The following FBXL13 variants were observed in gnomAD, a reference collection of about 807,000 sequenced individuals.
FBXL13 encodes F-box and leucine rich repeat protein 13, also known as F-box and leucine-rich repeat protein 13.
FBXL13 carries 67 observed loss-of-function variants against 83.6 expected under a neutral mutation model. That is an observed-to-expected ratio of 0.80 (90% confidence interval 0.66 to 0.98). The LOEUF is 0.98. FBXL13 is among the 50% of genes least tolerant of loss of function. The pLI, the probability that FBXL13 is intolerant of heterozygous loss-of-function variation, is 0.00. For synonymous variants in FBXL13, 272 were observed against 299.5 expected (o/e 0.91, Z 0.95); for missense variants, 822 against 866.5 (o/e 0.95, Z 0.64).
At chr7:103,015,841 A>C (rs556596352) in intron 6 of FBXL13, among the ~76,000 whole-genome samples, 15 of 151,020 alleles carry the variant, frequency 9.9e-5, no homozygotes, top group Non-Finnish European at 2.1e-4. Flanking sequence ...TAGTATTCCT[A>C]TACACCAACA....
At chr7:103,009,401 A>G (rs539838158) in intron 6 of FBXL13, among the ~76,000 whole-genome samples, 2 of 152,368 alleles carry the variant, frequency 1.3e-5, no homozygotes, top group East Asian at 1.9e-4. Flanking sequence ...TGGGCTCAGC[A>G]TGGAGCCAGG....
chr7:102,968,745 TA>T (rs1826262863), intron 6 of FBXL13, among the ~76,000 whole-genome samples: 4 of 152,200 alleles, frequency 2.6e-5, no homozygotes, highest in Non-Finnish European at 5.9e-5. Context: ...CCCAGACTGA[TA>T]ATAAGGTGCT....
intron 11 of FBXL13, 41 bp from the exon 13 acceptor site, chr7:102,884,353 G>T: frequency 6.9e-7 from 1 of 1,453,208 alleles, no homozygotes; most frequent in Non-Finnish European, 9.6e-7. Context: ...GAATGCATTA[G>T]CATGATAAAA....
intron 6 of FBXL13, among the ~76,000 whole-genome samples, chr7:103,003,289 T>TTG (rs1790614391): frequency 3.2e-5 from 4 of 126,000 alleles, no homozygotes; most frequent in African/African-American, 1.2e-4. Context: ...TTTTTTTTTT[T>TTG]TTTTTTTTTT....
intron 2 of FBXL13, among the ~76,000 whole-genome samples, chr7:103,034,601 A>G (rs895185742): frequency 6.6e-6 from 1 of 152,204 alleles, no homozygotes; most frequent in Non-Finnish European, 1.5e-5. Flanking sequence ...ACCTCCTCGC[A>G]AGCTGAGGGA....
chr7:102,927,135 C>T (rs1013185016), intron 9 of FBXL13, among the ~76,000 whole-genome samples: 1 of 152,132 alleles, frequency 6.6e-6, no homozygotes. Context: ...TTTACAAGAC[C>T]AGATGAATTG....
chr7:102,864,468 A>G (rs1279715108), intron 16 of FBXL13, among the ~76,000 whole-genome samples: 3 of 152,112 alleles, frequency 2.0e-5, no homozygotes, highest in Non-Finnish European at 1.5e-5. Flanking sequence ...TCCTGGGTTC[A>G]AGCGATTTTC....
intron 12 of FBXL13, 115 bp downstream of exon 13, chr7:102,884,099 C>T (rs556102142): frequency 9.3e-6 from 7 of 752,386 alleles, no homozygotes; most frequent in South Asian, 8.8e-5. Flanking sequence ...GATTTTATTA[C>T]TATTTTAAAA....
chr7:102,904,752 C>T (rs1813490567), intron 11 of FBXL13, among the ~76,000 whole-genome samples: 1 of 152,026 alleles, frequency 6.6e-6, no homozygotes, highest in Non-Finnish European at 1.5e-5. Flanking sequence ...GCACTTATAG[C>T]TATAAACTTC....
intron 8 of FBXL13, among the ~76,000 whole-genome samples, chr7:102,956,605 C>A (rs1270499918): frequency 6.6e-6 from 1 of 152,168 alleles, no homozygotes; most frequent in Admixed American, 6.5e-5. Context: ...TCCCTGTTTG[C>A]AGATGACATG....
At chr7:102,838,928 C>T (rs1036655684) in intron 17 of FBXL13, among the ~76,000 whole-genome samples, 16 of 152,140 alleles carry the variant, frequency 1.1e-4, no homozygotes, top group Non-Finnish European at 1.5e-4. Context: ...GCCCGACACC[C>T]GTGAAGGGTC....
At chr7:103,012,239 G>A (rs1791717007) in intron 6 of FBXL13, among the ~76,000 whole-genome samples, 1 of 152,128 alleles carries the variant, frequency 6.6e-6, no homozygotes, top group Non-Finnish European at 1.5e-5. Context: ...GCCGGGCGTG[G>A]TGGCACATGC....
chr7:102,815,887 G>T (rs565650257), intron 19 of FBXL13, among the ~76,000 whole-genome samples: 1 of 152,206 alleles, frequency 6.6e-6, no homozygotes, highest in East Asian at 1.9e-4. Context: ...CAAGTAGTGG[G>T]GGTTTGAGAA....
intron 2 of FBXL13, among the ~76,000 whole-genome samples, chr7:103,042,131 G>C (rs1411685603): frequency 1.3e-5 from 2 of 152,134 alleles, no homozygotes; most frequent in Non-Finnish European, 2.9e-5. Context: ...AAAGTCTCAG[G>C]ATACAAAATC....
intron 11 of FBXL13, among the ~76,000 whole-genome samples, chr7:102,898,008 G>A (rs557734736): frequency 6.6e-6 from 1 of 152,248 alleles, no homozygotes; most frequent in East Asian, 1.9e-4. Flanking sequence ...TAGGGAGTAA[G>A]TATGGGGCGC....
intron 6 of FBXL13, among the ~76,000 whole-genome samples, chr7:103,021,105 A>G (rs1216821015): frequency 6.6e-6 from 1 of 152,198 alleles, no homozygotes; most frequent in Non-Finnish European, 1.5e-5. Context: ...ACAGTAACCA[A>G]AACAGCATGG....
chr7:103,007,651 T>C (rs1183679065), intron 6 of FBXL13, among the ~76,000 whole-genome samples: 1 of 152,208 alleles, frequency 6.6e-6, no homozygotes, highest in East Asian at 1.9e-4. Context: ...AAATGAACAA[T>C]TTGTGGAGAA....
intron 8 of FBXL13, among the ~76,000 whole-genome samples, chr7:102,954,543 T>C (rs1823943914): frequency 6.6e-6 from 1 of 152,116 alleles, no homozygotes; most frequent in Non-Finnish European, 1.5e-5. Context: ...CACATCACAA[T>C]ATTAACTTTA....
At chr7:103,055,162 G>C in intron 2 of FBXL13, 1 of 1,288,144 alleles carries the variant, frequency 7.8e-7, no homozygotes, top group Non-Finnish European at 1.0e-6. Flanking sequence ...TTCATTGATG[G>C]AGTAATGCAC....
Sources: allele counts gnomAD v4.1 joint callset (sites outside exome capture counted in the v4.1 genomes callset), GRCh38; gene constraint gnomAD v4.1.1; transcripts MANE v1.5; gene names NCBI Gene and HGNC (gene_info 2026-07-23, HGNC 2026-07-21).